CLTRN: variants seen among roughly 807,000 people sequenced by gnomAD.
The protein encoded by CLTRN is collectrin.
In CLTRN, 12 loss-of-function variants were observed where a neutral mutation model predicts 14.5. The observed-to-expected ratio is 0.83, with a 90% CI of 0.53 to 1.34. The LOEUF is 1.34. Among genes scored for constraint, CLTRN ranks in the 40% most tolerant of loss-of-function variants. The pLI is 0.00. For synonymous variants in CLTRN, 58 were observed against 56.5 expected (o/e 1.03, Z -0.12); for missense variants, 154 against 165.1 (o/e 0.93, Z 0.37).
At chrX:15,649,482 A>T (rs1487902814) in intron 3 of CLTRN, among the ~76,000 whole-genome samples, 1 of 112,275 alleles carries the variant, frequency 8.9e-6, no homozygotes, top group Non-Finnish European at 1.9e-5. Flanking sequence ...AACTCTAAAA[A>T]CAAAGTTTTT....
At chrX:15,651,488 T>G (rs6629115) in intron 3 of CLTRN, among the ~76,000 whole-genome samples, 30,814 of 109,813 alleles carry the variant, frequency 0.28, 3,595 homozygotes, top group East Asian at 0.52. Context: ...AGGACAAAGA[T>G]CTTCTAGATT....
At chrX:15,640,951 T>G (rs895962194) in intron 4 of CLTRN, among the ~76,000 whole-genome samples, 1 of 111,543 alleles carries the variant, frequency 9.0e-6, no homozygotes, top group African/African-American at 3.3e-5. Context: ...AGTACACCAT[T>G]GTGAGAAGTC....
upstream of CLTRN, among the ~76,000 whole-genome samples, chrX:15,668,583 C>T (rs1278620245): frequency 9.0e-6 from 1 of 111,717 alleles, no homozygotes; most frequent in Non-Finnish European, 1.9e-5. Flanking sequence ...GATTTTTAAA[C>T]CTATTTTCTT....
At chrX:15,663,172 G>C (rs935086712) in intron 2 of CLTRN, among the ~76,000 whole-genome samples, 1 of 111,876 alleles carries the variant, frequency 8.9e-6, no homozygotes, top group African/African-American at 3.2e-5. Flanking sequence ...TTTGCATTTG[G>C]TTTACTGAAT....
Position 15,664,724 on chromosome X carries a change from GAC to G in CLTRN, c.50_51del (p.Cys17SerfsTer9), listed in dbSNP as rs1172689535. 2 of 1,205,387 alleles carry G rather than the reference GAC, an allele frequency of 1.7e-6. No homozygotes were observed. Among genetic ancestry groups the G allele is most frequent in the Non-Finnish European group, 2.2e-6 (2 of 891,929 alleles). ...AAATTTCAAGGCTACATACCTGGTT[GAC>G]AGAGTTCAGCATGAATGGCAGTCAC... ...FLVTAIHAEL[C>X]QPGAENAFKV... On this transcript the variant is annotated frameshift_variant, in exon 1 of 6. Transcript: ENST00000380342. LOFTEE classifies it high-confidence loss of function.
chrX:15,666,610 C>T (rs1427436546), upstream of CLTRN, among the ~76,000 whole-genome samples: 2 of 111,921 alleles, frequency 1.8e-5, no homozygotes, highest in African/African-American at 3.2e-5. Context: ...GACCCACATC[C>T]ATCAGCTAAA....
chrX:15,659,214 G>GCACACA (rs990990103), intron 2 of CLTRN, 113 bp from the exon 3 acceptor site: 16 of 243,330 alleles, frequency 6.6e-5, no homozygotes, highest in Admixed American at 1.0e-4. Context: ...ACACACACAC[G>GCACACA]CACACACACA....
Position 15,627,951 on chromosome X carries a change from G to T in CLTRN, c.*20C>A. 1.0e-6 allele frequency: 1 copy of T among 1,002,559 alleles called. No individual in the cohort carries two copies. 82.6% of individuals were successfully genotyped at this position (1,002,559 alleles called of 1,213,427 possible). A position where few individuals can be genotyped will look rare whatever the true frequency, so the allele number is the denominator to read the frequency against. ...CAGAAACAAATGTTTAATTTCTTGA[G>T]GAAGCAGAACAACAGCCCTTCAGAG... On this transcript the variant is annotated 3_prime_UTR_variant, in exon 6 of 6. Transcript: ENST00000380342.
chrX:15,630,892 T>C (rs1441947922), intron 5 of CLTRN, among the ~76,000 whole-genome samples: 1 of 112,143 alleles, frequency 8.9e-6, no homozygotes, highest in African/African-American at 3.2e-5. Flanking sequence ...TTCCTCTTCC[T>C]ATAGATAGGT....
chrX:15,668,471 T>C, upstream of CLTRN, among the ~76,000 whole-genome samples: 1 of 112,871 alleles, frequency 8.9e-6, no homozygotes, highest in East Asian at 2.7e-4. Context: ...ATTTGGTGTA[T>C]TACATTAATA....
chrX:15,646,840 C>T (rs1929090386), intron 3 of CLTRN: 12 of 318,245 alleles, frequency 3.8e-5, no homozygotes, highest in South Asian at 3.3e-4. Flanking sequence ...GAAAATCGCC[C>T]CGCCCGAGCG....
intron 3 of CLTRN, chrX:15,647,023 G>A (rs896667153): frequency 2.0e-5 from 5 of 249,089 alleles, no homozygotes; most frequent in South Asian, 3.9e-5. Context: ...TGGCCGCCAG[G>A]CGCCCGGTCG....
At chrX:15,644,812 T>C (rs5936000) in intron 4 of CLTRN, 104 bp downstream of exon 4, 115,894 of 485,086 alleles carry the variant, frequency 0.24, 11,163 homozygotes, top group East Asian at 0.5. Context: ...TAATAAATAA[T>C]TCATGTATGA....
chrX:15,652,471 CAAAA>C (rs79756100), intron 3 of CLTRN, among the ~76,000 whole-genome samples: 1 of 57,840 alleles, frequency 1.7e-5, no homozygotes. Flanking sequence ...ACTTTACAGA[CAAAA>C]AAAAAAAAAA....
chrX:15,631,382 CA>C (rs763119474), intron 5 of CLTRN, among the ~76,000 whole-genome samples: 1 of 111,793 alleles, frequency 8.9e-6, no homozygotes, highest in Non-Finnish European at 1.9e-5. Context: ...GGTGGCAATG[CA>C]ATAGCAGTCT....
At chrX:15,641,360 T>C (rs1397151742) in intron 4 of CLTRN, among the ~76,000 whole-genome samples, 1 of 112,101 alleles carries the variant, frequency 8.9e-6, no homozygotes, top group Non-Finnish European at 1.9e-5. Context: ...AGAAATATAA[T>C]GTGAGCTTCG....
upstream of CLTRN, among the ~76,000 whole-genome samples, chrX:15,668,792 T>A (rs1418732692): frequency 8.9e-6 from 1 of 111,971 alleles, no homozygotes; most frequent in African/African-American, 3.2e-5. Context: ...TTCTTCAAAA[T>A]TTTTCATTCC....
intron 3 of CLTRN, among the ~76,000 whole-genome samples, chrX:15,651,473 T>C (rs1470988734): frequency 9.0e-6 from 1 of 110,530 alleles, no homozygotes; most frequent in Non-Finnish European, 1.9e-5. Flanking sequence ...ACCCAGGACA[T>C]GGGGAGGACA....
At chrX:15,631,788 C>A (rs910468332) in intron 5 of CLTRN, among the ~76,000 whole-genome samples, 2 of 112,082 alleles carry the variant, frequency 1.8e-5, no homozygotes, top group Admixed American at 1.9e-4. Flanking sequence ...ATTGCAGTGT[C>A]AGGAACTTGC....
Sources: gnomAD v4.1 joint callset for allele counts (sites outside exome capture counted in the v4.1 genomes callset) on GRCh38, gnomAD v4.1.1 for gene constraint, MANE v1.5 for transcripts, NCBI Gene and HGNC (gene_info 2026-07-23, HGNC 2026-07-21) for gene names.